The following NRG1 variants were observed in gnomAD, a reference collection of about 807,000 sequenced individuals.
NRG1 encodes the protein pro-neuregulin-1, membrane-bound isoform.
Under a neutral mutation model 63.8 loss-of-function variants are expected in NRG1, and 18 were observed. That is an observed-to-expected ratio of 0.28 (90% confidence interval 0.19 to 0.42). The LOEUF is 0.42. NRG1 is among the 10% of genes least tolerant of loss of function. The pLI, the probability that NRG1 is intolerant of heterozygous loss-of-function variation, is 1.00. For synonymous variants in NRG1, 302 were observed against 301.3 expected (o/e 1.00, Z -0.02); for missense variants, 762 against 814.7 (o/e 0.94, Z 0.79).
intron 1 of NRG1, among the ~76,000 whole-genome samples, chr8:31,978,826 T>C (rs1808613393): frequency 6.6e-6 from 1 of 152,160 alleles, no homozygotes. Flanking sequence ...CATGATAAAT[T>C]TTTATGAGAA....
chr8:31,961,995 T>TAGTG (rs1554586982), intron 1 of NRG1, among the ~76,000 whole-genome samples: 1 of 151,520 alleles, frequency 6.6e-6, no homozygotes, highest in Non-Finnish European at 1.5e-5. Context: ...ATGGAGGCAT[T>TAGTG]ACTCATGAAC....
intron 1 of NRG1, among the ~76,000 whole-genome samples, chr8:32,070,741 C>CA (rs772883705): frequency 6.6e-6 from 1 of 152,236 alleles, no homozygotes; most frequent in Non-Finnish European, 1.5e-5. Context: ...ACATTCTCTG[C>CA]AAAGGCAGCA....
At chr8:31,721,926 T>G (rs1161643055) in intron 1 of NRG1, among the ~76,000 whole-genome samples, 1 of 152,178 alleles carries the variant, frequency 6.6e-6, no homozygotes, top group Non-Finnish European at 1.5e-5. Context: ...TGTGAACTCA[T>G]AGATTACAAT....
At chr8:32,318,599 A>G (rs1801031362) in intron 1 of NRG1, among the ~76,000 whole-genome samples, 1 of 152,168 alleles carries the variant, frequency 6.6e-6, no homozygotes, top group Non-Finnish European at 1.5e-5. Context: ...GAGTTACAGC[A>G]TTTTATATGC....
chr8:31,857,294 G>A (rs1827999023), intron 1 of NRG1, among the ~76,000 whole-genome samples: 2 of 152,254 alleles, frequency 1.3e-5, no homozygotes, highest in Admixed American at 1.3e-4. Context: ...TCTGAGCCAG[G>A]TGCGGGATAT....
At chr8:32,465,646 C>T (rs898649720) in intron 1 of NRG1, among the ~76,000 whole-genome samples, 1 of 152,200 alleles carries the variant, frequency 6.6e-6, no homozygotes. Flanking sequence ...AACACTTATA[C>T]TCTCGAATCC....
chr8:31,937,278 A>AT (rs1490667934), intron 1 of NRG1, among the ~76,000 whole-genome samples: 5 of 152,258 alleles, frequency 3.3e-5, no homozygotes, highest in Admixed American at 2.0e-4. Flanking sequence ...TTTTGGTTGA[A>AT]TTAAACAGTG....
intron 5 of NRG1, among the ~76,000 whole-genome samples, chr8:32,667,380 G>T (rs1486267314): frequency 6.6e-6 from 1 of 152,118 alleles, no homozygotes; most frequent in Non-Finnish European, 1.5e-5. Flanking sequence ...GAACACTTGG[G>T]TTACTTCCAC....
chr8:31,767,077 T>C (rs1818140798), intron 1 of NRG1, among the ~76,000 whole-genome samples: 1 of 152,192 alleles, frequency 6.6e-6, no homozygotes, highest in African/African-American at 2.4e-5. Context: ...GTCATTTTTT[T>C]TTTCTTTCAA....
intron 1 of NRG1, among the ~76,000 whole-genome samples, chr8:32,001,816 TA>T (rs1475988754): frequency 6.6e-6 from 1 of 151,992 alleles, no homozygotes; most frequent in Non-Finnish European, 1.5e-5. Flanking sequence ...ATATCAAGTA[TA>T]CATATTATCA....
rs541036282 is a variant in NRG1, at chr8:31,762,137, T to A, written c.37+122706T>A. Among the ~76,000 whole-genome samples the A allele has an allele frequency of 3.9e-4, 59 of 152,362 alleles. 2 individuals carry two copies. The highest frequency in any genetic ancestry group is 7.3e-4 in the Non-Finnish European group (50 of 68,028). On this transcript the variant is annotated intron_variant, in intron 1 of 10. Transcript: ENST00000519301. The stretch of plus-strand genomic sequence containing the variant: ...GGGTACATGTGCAGAACATGCAAGT[T>A]GGTTACATAGGTATACATGTGACAT...
intron 1 of NRG1, among the ~76,000 whole-genome samples, chr8:31,885,924 T>C (rs1830684523): frequency 6.6e-6 from 1 of 152,046 alleles, no homozygotes; most frequent in African/African-American, 2.4e-5. Context: ...CTGGTTGAAA[T>C]GGAGACAGAG....
chr8:32,280,969 C>G (rs371959774), intron 1 of NRG1, among the ~76,000 whole-genome samples: 1 of 150,748 alleles, frequency 6.6e-6, no homozygotes, highest in African/African-American at 2.4e-5. Context: ...CCGTGTTAGC[C>G]AGGTTGGTCT....
chr8:31,813,526 T>TTTTTC (rs1823123227), intron 1 of NRG1, among the ~76,000 whole-genome samples: 1 of 45,218 alleles, frequency 2.2e-5, no homozygotes, highest in Non-Finnish European at 6.3e-5. Context: ...CTTTTTTTTT[T>TTTTTC]TTTTTTTGTT....
intron 1 of NRG1, among the ~76,000 whole-genome samples, chr8:32,202,526 C>A (rs893865601): frequency 6.6e-6 from 1 of 152,078 alleles, no homozygotes; most frequent in African/African-American, 2.4e-5. Context: ...GTGTGACAGC[C>A]TTTTGGGGTT....
chr8:31,811,032 G>A (rs1356229540), intron 1 of NRG1, among the ~76,000 whole-genome samples: 17 of 152,172 alleles, frequency 1.1e-4, no homozygotes, highest in Admixed American at 1.0e-3. Context: ...GTTTGGCTAT[G>A]AGCCTCCCCG....
chr8:32,727,818 G>A (rs1184072855), intron 5 of NRG1, 131 bp from the exon 6 acceptor site: 3 of 794,132 alleles, frequency 3.8e-6, no homozygotes, highest in Middle Eastern at 2.7e-4. Flanking sequence ...GCTATTGTTT[G>A]TAAGGTCTGC....
chr8:32,129,015 C>T (rs1258951735), intron 1 of NRG1, among the ~76,000 whole-genome samples: 1 of 151,932 alleles, frequency 6.6e-6, no homozygotes, highest in Non-Finnish European at 1.5e-5. Context: ...GCTTCCATGG[C>T]CCTCTATTAG....
intron 1 of NRG1, among the ~76,000 whole-genome samples, chr8:31,765,157 A>G (rs940482080): frequency 8.6e-5 from 13 of 152,034 alleles, no homozygotes; most frequent in African/African-American, 7.2e-5. Flanking sequence ...ATAGAAACAC[A>G]ATTTATTTTG....
Sources: allele counts gnomAD v4.1 joint callset (sites outside exome capture counted in the v4.1 genomes callset), GRCh38; gene constraint gnomAD v4.1.1; transcripts MANE v1.5; gene names NCBI Gene and HGNC (gene_info 2026-07-23, HGNC 2026-07-21).